HSPA14: variants seen among roughly 807,000 people sequenced by gnomAD.
HSPA14 encodes heat shock protein family A (Hsp70) member 14.
Under a neutral mutation model 65.5 loss-of-function variants are expected in HSPA14, and 37 were observed. The ratio of observed to expected loss-of-function variants is 0.56; its 90% CI spans 0.43 to 0.74. The LOEUF is 0.74. HSPA14 is among the 30% of genes least tolerant of loss of function. The pLI, the probability that HSPA14 is intolerant of heterozygous loss-of-function variation, is 0.00. For synonymous variants in HSPA14, 203 were observed against 214.2 expected (o/e 0.95, Z 0.46); for missense variants, 564 against 607.6 (o/e 0.93, Z 0.75).
chr10:14,870,306 G>T (rs938386839), intron 12 of HSPA14, among the ~76,000 whole-genome samples: 3 of 152,026 alleles, frequency 2.0e-5, no homozygotes, highest in African/African-American at 7.2e-5. Flanking sequence ...TATTTTCCAA[G>T]ATTAATAGTA....
rs769292701 is a variant in HSPA14 at position 14,870,636 on chromosome 10, C to T, written c.1420C>T (p.Arg474Cys). Residue 474 changes from arginine to cysteine, a missense_variant, in exon 13 of 14, where the codon CGT becomes TGT. Coordinates refer to ENST00000378372, the MANE Select transcript of HSPA14 (RefSeq NM_016299.4). ...TTTAGATAAAAAAGAAAATGGATTA[C>T]GTGATATATTAGCTGTTCTTACTAT... ...QDLDKKENGL[R>C]DILAVLTMKR... 6.3e-7 allele frequency: 1 copy of T among 1,581,376 alleles called. No individual in the cohort carries two copies.
At chr10:14,870,873 T>A (rs1023044848) in intron 13 of HSPA14, among the ~76,000 whole-genome samples, 3 of 152,162 alleles carry the variant, frequency 2.0e-5, no homozygotes, top group African/African-American at 7.2e-5. Context: ...TCTTGAATAT[T>A]TTAGGAACTC....
At chr10:14,838,637 C>A in intron 1 of HSPA14, 178 bp downstream of exon 1, 1 of 597,184 alleles carries the variant, frequency 1.7e-6, no homozygotes, top group South Asian at 2.2e-5. Flanking sequence ...CCTGGCGATT[C>A]CTCCGGAAAG....
At chr10:14,860,502 G>C (rs1480188541) in intron 10 of HSPA14, among the ~76,000 whole-genome samples, 1 of 152,202 alleles carries the variant, frequency 6.6e-6, no homozygotes, top group Admixed American at 6.5e-5. Context: ...AGTCCCCTCT[G>C]AGGAAGTGGC....
chr10:14,846,724 T>G (rs1834059690), intron 3 of HSPA14: 1 of 984,138 alleles, frequency 1.0e-6, no homozygotes, highest in Non-Finnish European at 1.2e-6. Context: ...TTCAGACATG[T>G]AAGGCACTGT....
At chr10:14,858,234 A>T (rs1391725058) in intron 10 of HSPA14, among the ~76,000 whole-genome samples, 1 of 152,232 alleles carries the variant, frequency 6.6e-6, no homozygotes, top group African/African-American at 2.4e-5. Flanking sequence ...ATATCGTGAC[A>T]AATAAGCATC....
At chr10:14,860,934 C>A (rs1180937922) in intron 10 of HSPA14, among the ~76,000 whole-genome samples, 6 of 152,200 alleles carry the variant, frequency 3.9e-5, no homozygotes, top group East Asian at 1.9e-4. Flanking sequence ...GGGCATCTGG[C>A]ACCGGACCAG....
chr10:14,845,048 T>C, intron 3 of HSPA14: 1 of 985,408 alleles, frequency 1.0e-6, no homozygotes, highest in South Asian at 4.7e-5. Flanking sequence ...CACTAGAGGA[T>C]GGTGTGGATA....
At chr10:14,854,351 C>A in intron 9 of HSPA14, 71 bp downstream of exon 9, 2 of 1,293,476 alleles carry the variant, frequency 1.5e-6, no homozygotes, top group South Asian at 1.5e-5. Context: ...AATTTTCTTA[C>A]TTTGGGTTTT....
chr10:14,864,270 GT>G (rs748502763), intron 10 of HSPA14, among the ~76,000 whole-genome samples: 5,419 of 132,784 alleles, frequency 0.041, 385 homozygotes, highest in African/African-American at 0.14. Flanking sequence ...TCCAAGGTTG[GT>G]TTTTTTTTTT....
chr10:14,845,387 T>G, intron 3 of HSPA14: 2 of 985,262 alleles, frequency 2.0e-6, no homozygotes, highest in Non-Finnish European at 2.4e-6. Flanking sequence ...ATGCTGGAAA[T>G]GGACATAGGT....
intron 1 of HSPA14, among the ~76,000 whole-genome samples, chr10:14,838,895 G>T (rs1416426775): frequency 2.0e-5 from 3 of 152,188 alleles, no homozygotes; most frequent in Non-Finnish European, 4.4e-5. Context: ...TGACGTCAGG[G>T]CCTCAGGATT....
In HSPA14 at chr10:14,859,937, A is replaced by G. The variant is rs1276979474; in HGVS notation, c.993+3994A>G. Among the ~76,000 whole-genome samples, 7 of 152,256 alleles carry G rather than the reference A, an allele frequency of 4.6e-5. No individual in the cohort carries two copies. The East Asian group carries it at 1.3e-3, about 29-fold the overall frequency. On this transcript the variant is annotated intron_variant, in intron 10 of 13. Transcript: ENST00000378372. ...AAGTCTCATTTTTTGACACAGTTGC[A>G]TTGTCTATAAATAACTTGGGATGAT...
At chr10:14,865,602 T>C (rs529654322) in intron 10 of HSPA14, among the ~76,000 whole-genome samples, 1 of 152,348 alleles carries the variant, frequency 6.6e-6, no homozygotes, top group East Asian at 1.9e-4. Context: ...ATTTCTTGTT[T>C]TTGTCAGGTT....
At chr10:14,844,948 C>G in intron 3 of HSPA14, 1 of 985,418 alleles carries the variant, frequency 1.0e-6, no homozygotes, top group African/African-American at 1.7e-5. Context: ...TTCCAAGATT[C>G]CTTTTCCTCA....
chr10:14,844,503 C>T (rs558238211), intron 3 of HSPA14: 369 of 988,538 alleles, frequency 3.7e-4, no homozygotes, highest in Non-Finnish European at 4.2e-4. Flanking sequence ...TAAGCACAAC[C>T]TGTATTTGTA....
rs1833990722 is a variant in HSPA14, at chr10:14,842,729, C to G, written c.221+2572C>G. 1 of 1,536,396 alleles carries G rather than the reference C, an allele frequency of 6.5e-7. No individual in the cohort carries two copies. Among genetic ancestry groups the G allele is most frequent in the Non-Finnish European group, 8.7e-7 (1 of 1,146,992 alleles). Reference sequence around the variant, plus strand: ...ATCAAAAAGGACTCAGGCAGCTGATCATCAGCCTATCTTGAAAACAGTTAA... The same window carrying G: ...ATCAAAAAGGACTCAGGCAGCTGATGATCAGCCTATCTTGAAAACAGTTAA... On this transcript the variant is annotated intron_variant, in intron 3 of 13. Transcript: ENST00000378372. This position sits in a 1 kb window ranked among gnomAD's most constrained non-coding sequence, Gnocchi z 5.2.
intron 12 of HSPA14, among the ~76,000 whole-genome samples, chr10:14,869,641 C>T (rs72772427): frequency 0.16 from 23,696 of 152,172 alleles, 2,103 homozygotes; most frequent in Middle Eastern, 0.26. Context: ...AAAACACACA[C>T]ATGCATAACA....
At chr10:14,864,990 C>T (rs1832792592) in intron 10 of HSPA14, among the ~76,000 whole-genome samples, 1 of 152,112 alleles carries the variant, frequency 6.6e-6, no homozygotes, top group South Asian at 2.1e-4. Flanking sequence ...CCTGTTGTTT[C>T]CTGACTTTTT....
Sources: allele counts gnomAD v4.1 joint callset (sites outside exome capture counted in the v4.1 genomes callset), GRCh38; gene constraint gnomAD v4.1.1; non-coding constraint Gnocchi (gnomAD v3.1); transcripts MANE v1.5; gene names NCBI Gene and HGNC (gene_info 2026-07-23, HGNC 2026-07-21).